BCAT1: variants seen among roughly 807,000 people sequenced by gnomAD.
The protein encoded by BCAT1 is branched chain amino acid transaminase 1.
A neutral mutation model predicts 52.4 loss-of-function variants in BCAT1; 48 were observed. The observed-to-expected ratio is 0.92, with a 90% CI of 0.73 to 1.16. The LOEUF (loss-of-function observed/expected upper bound fraction) is 1.16, where lower values mean the gene tolerates loss of function less well. Among genes scored for constraint, BCAT1 ranks in the 50% most tolerant of loss-of-function variants. The pLI, the probability that BCAT1 is intolerant of heterozygous loss-of-function variation, is 0.00. For missense variants in BCAT1, 451 were observed against 457.1 expected (o/e 0.99, Z 0.12); for synonymous variants, 167 against 161.3 (o/e 1.04, Z -0.27).
chr12:24,944,131 C>A (rs1943899369), intron 1 of BCAT1, among the ~76,000 whole-genome samples: 1 of 152,228 alleles, frequency 6.6e-6, no homozygotes, highest in African/African-American at 2.4e-5. Context: ...AGAGCACTCA[C>A]CGACACTGAA....
intron 1 of BCAT1, among the ~76,000 whole-genome samples, chr12:24,923,893 C>A (rs1208183558): frequency 1.3e-5 from 2 of 152,138 alleles, no homozygotes; most frequent in Non-Finnish European, 2.9e-5. Context: ...TCAGTCCATC[C>A]CCTTCTCTGC....
At chr12:24,842,340 T>C (rs1177182008) in intron 6 of BCAT1, 116 bp from the exon 7 acceptor site, 1 of 1,152,054 alleles carries the variant, frequency 8.7e-7, no homozygotes, top group Non-Finnish European at 1.2e-6. Context: ...GAAGGTATTA[T>C]GTTCTTAATA....
At chr12:24,855,380 AT>A (rs897058964) in intron 5 of BCAT1, among the ~76,000 whole-genome samples, 1 of 151,332 alleles carries the variant, frequency 6.6e-6, no homozygotes, top group Non-Finnish European at 1.5e-5. Context: ...TTTGTTTTCC[AT>A]TTTGTTTTTT....
At chr12:24,871,322 G>A (rs1293846532) in intron 5 of BCAT1, among the ~76,000 whole-genome samples, 1 of 152,200 alleles carries the variant, frequency 6.6e-6, no homozygotes, top group Non-Finnish European at 1.5e-5. Context: ...TGGGATTCCA[G>A]TTAGGGAATT....
intron 5 of BCAT1, among the ~76,000 whole-genome samples, chr12:24,856,900 C>T (rs1591812320): frequency 6.6e-6 from 1 of 152,208 alleles, no homozygotes; most frequent in Non-Finnish European, 1.5e-5. Flanking sequence ...TCCTTGAAAG[C>T]TTGACCTTGT....
intron 1 of BCAT1, among the ~76,000 whole-genome samples, chr12:24,916,237 G>A (rs1329420249): frequency 1.3e-5 from 2 of 152,166 alleles, no homozygotes; most frequent in East Asian, 3.8e-4. Flanking sequence ...TGTATGAATT[G>A]GGTGAATTGC....
At position 24,814,584 on chromosome 12, in the gene BCAT1, T is replaced by A. The variant is rs1939803330; in HGVS notation, c.*3424A>T. ...AATTCTTTTGACTAAGATATACTCA[T>A]TAATTGCCTCCAAGTGTTCAAGACT... On this transcript the variant is annotated 3_prime_UTR_variant, in exon 11 of 11. Coordinates refer to ENST00000261192, the MANE Select transcript of BCAT1 (RefSeq NM_005504.7). 1 of 152,134 alleles carries A rather than the reference T, an allele frequency of 6.6e-6. No homozygotes were observed. Among genetic ancestry groups the A allele is most frequent in the African/African-American group, 2.4e-5 (1 of 41,436 alleles). The allele number at this position is 152,134 out of a possible 1,614,324, so 9.4% of individuals were successfully genotyped here. A position where few individuals can be genotyped will look rare whatever the true frequency, so the allele number is the denominator to read the frequency against.
chr12:24,910,259 C>T (rs1397577311), intron 1 of BCAT1, among the ~76,000 whole-genome samples: 1 of 151,966 alleles, frequency 6.6e-6, no homozygotes, highest in Non-Finnish European at 1.5e-5. Flanking sequence ...TGCCTGTAAT[C>T]CCAGCTCTAC....
Position 24,936,594 on chromosome 12 carries a change from T to C in BCAT1, c.6+12333A>G, listed in dbSNP as rs150429614. ...AATCAAGGTGTCAGCAGAGCTGCATTCCTTCTGGAGGCTCTAGAGTGAGAA... is the reference window on the plus strand; with the variant it reads ...AATCAAGGTGTCAGCAGAGCTGCATCCCTTCTGGAGGCTCTAGAGTGAGAA... On this transcript the variant is annotated intron_variant, in intron 1 of 10. Transcript: ENST00000261192. 1.6e-3 allele frequency among the ~76,000 whole-genome samples: 241 copies of C among 152,340 alleles called. 2 individuals carry two copies. The highest frequency in any genetic ancestry group is 3.4e-3 in the Middle Eastern group (1 of 294).
chr12:24,893,030 A>G (rs574617040), intron 3 of BCAT1, among the ~76,000 whole-genome samples: 3 of 152,366 alleles, frequency 2.0e-5, no homozygotes, highest in African/African-American at 7.2e-5. Flanking sequence ...GACAGTGAAT[A>G]TCTTTCCAAA....
chr12:24,943,106 T>C (rs1176726535), intron 1 of BCAT1, among the ~76,000 whole-genome samples: 1 of 152,254 alleles, frequency 6.6e-6, no homozygotes, highest in Non-Finnish European at 1.5e-5. Context: ...ATGCACTCTA[T>C]TGTCCTGGCT....
intron 1 of BCAT1, among the ~76,000 whole-genome samples, chr12:24,925,880 G>A (rs1456259707): frequency 2.0e-5 from 3 of 152,076 alleles, no homozygotes; most frequent in Non-Finnish European, 1.5e-5. Flanking sequence ...ACGGAGTCTC[G>A]TTCACTCAGT....
At chr12:24,886,135 G>A (rs1309241997) in intron 3 of BCAT1, among the ~76,000 whole-genome samples, 14 of 152,150 alleles carry the variant, frequency 9.2e-5, no homozygotes, top group African/African-American at 2.4e-4. Context: ...ATGAAAAGGC[G>A]AGCTGGGAAC....
chr12:24,905,281 C>T (rs1943207737), intron 1 of BCAT1, among the ~76,000 whole-genome samples: 2 of 152,312 alleles, frequency 1.3e-5, no homozygotes, highest in Admixed American at 1.3e-4. Context: ...TTATTTAAAT[C>T]ATTTAATGAA....
At chr12:24,861,651 G>A (rs376106853) in intron 5 of BCAT1, among the ~76,000 whole-genome samples, 2 of 152,316 alleles carry the variant, frequency 1.3e-5, no homozygotes, top group Admixed American at 6.5e-5. Context: ...TTGGGATTAA[G>A]GGTCCCTTTG....
At chr12:24,880,326 G>A (rs7978338) in intron 4 of BCAT1, among the ~76,000 whole-genome samples, 2 of 152,144 alleles carry the variant, frequency 1.3e-5, no homozygotes, top group Non-Finnish European at 1.5e-5. Context: ...GCATGGCTGC[G>A]TGCACTTGTA....
chr12:24,895,555 G>C (rs1451441535), intron 2 of BCAT1, among the ~76,000 whole-genome samples: 1 of 150,568 alleles, frequency 6.6e-6, no homozygotes, highest in Non-Finnish European at 1.5e-5. Context: ...GAAAAGAAGA[G>C]AAAAGAGAAG....
rs1463477508 is a variant in BCAT1, at chr12:24,812,889, C to T, written c.*5119G>A. ...CCTACATCAATTCTTACCATCCCAA[C>T]AGTAGATTACATAAACTGAACATCA... On this transcript the variant is annotated 3_prime_UTR_variant, in exon 11 of 11. Transcript: ENST00000261192. 6.6e-6 allele frequency: 1 copy of T among 152,014 alleles called. No homozygotes were observed. Among genetic ancestry groups the T allele is most frequent in the Non-Finnish European group, 1.5e-5 (1 of 67,894 alleles). The allele number at this position is 152,014 out of a possible 1,614,324, so 9.4% of individuals were successfully genotyped here.
intron 5 of BCAT1, among the ~76,000 whole-genome samples, chr12:24,873,925 T>A (rs1350408844): frequency 6.6e-6 from 1 of 152,248 alleles, no homozygotes. Flanking sequence ...ATTATCATCA[T>A]AAATCTATAA....
Sources: allele counts gnomAD v4.1 joint callset (sites outside exome capture counted in the v4.1 genomes callset), GRCh38; gene constraint gnomAD v4.1.1; transcripts MANE v1.5; gene names NCBI Gene and HGNC (gene_info 2026-07-23, HGNC 2026-07-21).